LY75: variants seen among roughly 807,000 people sequenced by gnomAD.
LY75 encodes the protein C-type lectin domain family 13 member B.
LY75 carries 185 observed loss-of-function variants against 231.7 expected under a neutral mutation model. That is an observed-to-expected ratio of 0.80 (90% CI 0.71 to 0.90). The LOEUF (loss-of-function observed/expected upper bound fraction) is 0.90. Among genes scored for constraint, LY75 ranks in the 40% least tolerant of loss-of-function variants. The pLI is 0.00. For synonymous variants in LY75, 668 were observed against 689.0 expected (o/e 0.97, Z 0.48); for missense variants, 1,947 against 2,050.2 (o/e 0.95, Z 0.97).
At position 159,836,464 on chromosome 2, in the gene LY75, G is replaced by T. The variant is rs752155469; in HGVS notation, c.3508-819C>A. Among the ~76,000 whole-genome samples the T allele has an allele frequency of 1.6e-4, 24 of 152,176 alleles. 1 individual carries two copies. Among genetic ancestry groups the T allele is most frequent in the Non-Finnish European group, 1.3e-4 (9 of 68,030 alleles). ...GTCCTGACCACCCATCTAGGTACAG[G>T]AGATGGATTGTGGGGTACAGGCCTG... On this transcript the variant is annotated intron_variant, in intron 25 of 34. Coordinates refer to ENST00000263636, the MANE Select transcript of LY75 (RefSeq NM_002349.4).
chr2:159,847,312 C>T (rs1174133997), intron 23 of LY75, among the ~76,000 whole-genome samples: 2 of 152,172 alleles, frequency 1.3e-5, no homozygotes, highest in Non-Finnish European at 2.9e-5. Context: ...CCACGCCCAG[C>T]CTTTTTTCTC....
At chr2:159,853,560 C>T in intron 19 of LY75, 70 bp downstream of exon 19, 5 of 1,600,812 alleles carry the variant, frequency 3.1e-6, no homozygotes, top group Non-Finnish European at 4.3e-6. Context: ...AAATAGAAAT[C>T]CATTTAGTAA....
At chr2:159,810,743 C>T in intron 31 of LY75, 68 bp from the exon 32 acceptor site, 8 of 1,584,444 alleles carry the variant, frequency 5.0e-6, no homozygotes, top group African/African-American at 1.4e-5. Flanking sequence ...AAATCTACTT[C>T]AATGTCCCTG....
At chr2:159,842,839 C>CAAT (rs1224041401) in intron 23 of LY75, among the ~76,000 whole-genome samples, 1 of 151,740 alleles carries the variant, frequency 6.6e-6, no homozygotes, top group Non-Finnish European at 1.5e-5. Context: ...TAATCACAAT[C>CAAT]AATAATATTA....
intron 23 of LY75, among the ~76,000 whole-genome samples, chr2:159,847,940 C>T (rs995242583): frequency 2.0e-5 from 3 of 151,696 alleles, no homozygotes; most frequent in African/African-American, 7.3e-5. Flanking sequence ...AACCTAACAC[C>T]CAGCACTGGT....
intron 13 of LY75, among the ~76,000 whole-genome samples, chr2:159,868,313 A>T (rs1684912217): frequency 6.6e-6 from 1 of 152,178 alleles, no homozygotes; most frequent in Non-Finnish European, 1.5e-5. Context: ...TGTTTTCTAA[A>T]TTCAATGTGC....
chr2:159,809,756 C>A (rs1682902740), intron 32 of LY75, among the ~76,000 whole-genome samples: 2 of 151,830 alleles, frequency 1.3e-5, no homozygotes, highest in African/African-American at 2.4e-5. Context: ...TGGCTCACTG[C>A]AACCTCCACC....
Position 159,807,070 on chromosome 2 carries a change from A to G in LY75, c.4893T>C (p.Gly1631=), listed in dbSNP as rs1179828435. Residue 1631 remains glycine (G), a synonymous_variant, in exon 34 of 35, where the codon GGT becomes GGC. Transcript: ENST00000263636. The part of the protein sequence containing the change: ...FVKWENKSKS[G]VGRCSMLIAS... The stretch of plus-strand genomic sequence containing the variant: ...CTATCAACATGCTACATCTTCCAAC[A>G]CCACTCTTACTTTTATTTTCCCATT... 2 of 1,613,908 alleles carry G rather than the reference A, an allele frequency of 1.2e-6. No homozygotes were observed. Among genetic ancestry groups the G allele is most frequent in the Non-Finnish European group, 1.7e-6 (2 of 1,179,912 alleles).
intron 25 of LY75, among the ~76,000 whole-genome samples, chr2:159,838,281 G>C (rs1272293296): frequency 6.6e-6 from 1 of 152,090 alleles, no homozygotes; most frequent in African/African-American, 2.4e-5. Context: ...GCAGCTATTA[G>C]GATATATAGT....
rs1050268604 is a variant in LY75, at chr2:159,840,811, G to A, written c.3425C>T (p.Thr1142Met). The A allele has an allele frequency of 2.5e-5, 41 of 1,613,966 alleles. No homozygotes were observed. Among genetic ancestry groups the A allele is most frequent in the Admixed American group, 2.0e-4 (12 of 59,988 alleles). ...LKSNMQLVSITDPYQQAFLSV... is the reference protein window; with the variant it reads ...LKSNMQLVSIMDPYQQAFLSV... Reference sequence around the variant, plus strand: ...GAGGAATGCCTGCTGGTAAGGGTCCGTGATGCTCACCAGCTGCATGTTACT... The same window carrying A: ...GAGGAATGCCTGCTGGTAAGGGTCCATGATGCTCACCAGCTGCATGTTACT... The change falls in exon 25 of 35, where the codon ACG (threonine) becomes ATG (methionine). Residue 1142 changes from threonine (T) to methionine (M), a missense_variant. Coordinates refer to ENST00000263636, the MANE Select transcript of LY75 (RefSeq NM_002349.4).
intron 25 of LY75, among the ~76,000 whole-genome samples, chr2:159,838,597 G>C (rs7557257): frequency 0.14 from 21,440 of 152,092 alleles, 1,855 homozygotes; most frequent in East Asian, 0.28. Flanking sequence ...TGTCTCAAAA[G>C]ATTTAGGGTG....
chr2:159,885,016 A>C (rs1404784039), intron 6 of LY75, 137 bp downstream of exon 6: 16 of 1,201,096 alleles, frequency 1.3e-5, no homozygotes, highest in Non-Finnish European at 1.7e-5. Context: ...CAGGGTTAAA[A>C]ATCAAGTACT....
In LY75 at chr2:159,864,826, C is replaced by A; in HGVS notation, c.2199+13G>T. Reference sequence around the variant, plus strand: ...GTTTCCATACTACCTAAAACAATAACGTTTTAACTTACTGGTGTACGATCA... The same window carrying A: ...GTTTCCATACTACCTAAAACAATAAAGTTTTAACTTACTGGTGTACGATCA... On this transcript the variant is annotated intron_variant, in intron 14 of 34. Transcript: ENST00000263636. 6.4e-7 allele frequency: 1 copy of A among 1,568,874 alleles called. No homozygotes were observed.
chr2:159,886,461 C>T lies in LY75; in HGVS notation c.872G>A (p.Trp291Ter), dbSNP rs1485677373. 2 of 1,611,722 alleles carry T rather than the reference C, an allele frequency of 1.2e-6. No homozygotes were observed. The highest frequency in any genetic ancestry group is 1.7e-6 in the Non-Finnish European group (2 of 1,178,754). The change falls in exon 5 of 35, where the codon TGG becomes TAG. Residue 291 changes from tryptophan to a stop codon, truncating the protein, a stop_gained. Coordinates refer to ENST00000263636, the MANE Select transcript of LY75 (RefSeq NM_002349.4). LOFTEE classifies it high-confidence loss of function. ...NQLYSARGWE[W>*]SDHKPLNFLN... The stretch of plus-strand genomic sequence containing the variant: ...AAAGTTTAATGGTTTGTGGTCTGAC[C>T]ATTCCCAGCCTCTAGCAGAGTATAG...
At chr2:159,896,498 A>G (rs1685912744) in intron 2 of LY75, among the ~76,000 whole-genome samples, 1 of 152,210 alleles carries the variant, frequency 6.6e-6, no homozygotes. Context: ...CTTTGCTGTA[A>G]CAAACCAGGT....
At chr2:159,826,497 G>A (rs59785786) in intron 28 of LY75, among the ~76,000 whole-genome samples, 61,685 of 151,574 alleles carry the variant, frequency 0.41, 14,158 homozygotes, top group Non-Finnish European at 0.52. Flanking sequence ...CTCATGGATA[G>A]GTAGAATCAA....
intron 29 of LY75, among the ~76,000 whole-genome samples, chr2:159,817,348 T>G (rs1163855342): frequency 6.6e-6 from 1 of 152,244 alleles, no homozygotes; most frequent in Non-Finnish European, 1.5e-5. Flanking sequence ...TTGGTAGAGA[T>G]TCATTTGAAT....
At chr2:159,879,460 G>A in intron 8 of LY75, 91 bp from the exon 9 acceptor site, 1 of 1,536,198 alleles carries the variant, frequency 6.5e-7, no homozygotes, top group Non-Finnish European at 8.8e-7. Flanking sequence ...CAGAGACAGA[G>A]AGAGAGAAAT....
intron 28 of LY75, among the ~76,000 whole-genome samples, chr2:159,829,369 T>C (rs1683579151): frequency 1.3e-5 from 2 of 152,210 alleles, no homozygotes. Context: ...ATTTCTAAAG[T>C]TGTTTTAAGA....
Sources: gnomAD v4.1 joint callset for allele counts (sites outside exome capture counted in the v4.1 genomes callset) on GRCh38, gnomAD v4.1.1 for gene constraint, MANE v1.5 for transcripts, NCBI Gene and HGNC (gene_info 2026-07-23, HGNC 2026-07-21) for gene names.